NUP153: variants seen among roughly 807,000 people sequenced by gnomAD.
NUP153 encodes the protein nuclear pore complex protein Nup153.
NUP153 carries 27 observed loss-of-function variants against 134.6 expected under a neutral mutation model. The observed-to-expected ratio is 0.20, with a 90% CI of 0.15 to 0.28. NUP153 has a LOEUF of 0.28. Ranked by LOEUF, NUP153 falls within the 10% of genes least tolerant of loss-of-function variation. NUP153 has a pLI of 1.00. For missense variants in NUP153, 1,821 were observed against 1,731.3 expected, an observed-to-expected ratio of 1.05 and a Z score of -0.92; for synonymous variants, 640 against 623.5, an observed-to-expected ratio of 1.03 and a Z score of -0.40.
At chr6:17,651,891 C>T (rs1256793746) in intron 11 of NUP153, 2 of 676,800 alleles carry the variant, frequency 3.0e-6, no homozygotes, top group East Asian at 2.7e-5. Flanking sequence ...CGCAGGAGCT[C>T]GAGATCAGCT....
At chr6:17,656,496 T>TC (rs927071320) in intron 11 of NUP153, among the ~76,000 whole-genome samples, 2 of 152,088 alleles carry the variant, frequency 1.3e-5, no homozygotes, top group African/African-American at 4.8e-5. Context: ...CACTTCAGCC[T>TC]CCCTGGTAGC....
chr6:17,630,184 C>G (rs926687306), intron 17 of NUP153, among the ~76,000 whole-genome samples: 5 of 152,102 alleles, frequency 3.3e-5, no homozygotes, highest in African/African-American at 1.2e-4. Flanking sequence ...AGAAACTAAC[C>G]ACAGTTACAT....
chr6:17,616,291 A>G (rs1318585492), intron 21 of NUP153, 110 bp from the exon 22 acceptor site: 5 of 564,118 alleles, frequency 8.9e-6, no homozygotes, highest in African/African-American at 2.0e-5. Flanking sequence ...GTGGGGGGGG[A>G]GTAGACTCAC....
intron 11 of NUP153, among the ~76,000 whole-genome samples, chr6:17,657,474 G>A (rs1234880946): frequency 6.6e-6 from 1 of 151,928 alleles, no homozygotes; most frequent in Non-Finnish European, 1.5e-5. Flanking sequence ...TGAGACATGA[G>A]AATCACTTGA....
Position 17,646,139 on chromosome 6 carries a change from TA to T in NUP153, c.1647del (p.Phe549LeufsTer18). On this transcript the variant is annotated frameshift_variant, in exon 14 of 22. Transcript: ENST00000262077. LOFTEE classifies it high-confidence loss of function. Reference protein sequence around the residue: ...VLPPSSIGFTFSVPVAKTAEL... With the variant: ...VLPPSSIGFTXSVPVAKTAEL... ...TCTGCTGTTTTTGCAACAGGCACAC[TA>T]AATGTAAATCCAATCTGTAAAGAGA... The T allele has an allele frequency of 6.3e-7, 1 of 1,582,418 alleles. No individual in the cohort carries two copies. Among genetic ancestry groups the T allele is most frequent in the Non-Finnish European group, 8.7e-7 (1 of 1,151,690 alleles).
chr6:17,689,509 T>C (rs1769151700), intron 1 of NUP153, among the ~76,000 whole-genome samples: 1 of 151,494 alleles, frequency 6.6e-6, no homozygotes, highest in African/African-American at 2.4e-5. Flanking sequence ...TGGCTGAAAA[T>C]CTCAGTGATT....
intron 5 of NUP153, among the ~76,000 whole-genome samples, chr6:17,672,599 G>A (rs576998701): frequency 3.9e-5 from 6 of 152,000 alleles, no homozygotes; most frequent in East Asian, 3.9e-4. Flanking sequence ...GAACAAAGAC[G>A]GTGCAAAAGC....
intron 20 of NUP153, among the ~76,000 whole-genome samples, chr6:17,624,163 G>A (rs1176557074): frequency 6.6e-6 from 1 of 152,216 alleles, no homozygotes; most frequent in Non-Finnish European, 1.5e-5. Flanking sequence ...AAAGTGTCAT[G>A]AGACAACTCA....
At chr6:17,676,399 T>G (rs1463418193) in intron 2 of NUP153, among the ~76,000 whole-genome samples, 1 of 150,860 alleles carries the variant, frequency 6.6e-6, no homozygotes, top group Non-Finnish European at 1.5e-5. Context: ...TCTTTATACT[T>G]CTGCACGAGT....
chr6:17,662,218 C>A, intron 9 of NUP153, 148 bp from the exon 10 acceptor site: 1 of 675,192 alleles, frequency 1.5e-6, no homozygotes, highest in South Asian at 2.0e-5. Flanking sequence ...TTACACCCTG[C>A]CTTCTGAATG....
chr6:17,628,629 A>G lies in NUP153; in HGVS notation c.3544+26T>C. On this transcript the variant is annotated intron_variant, in intron 18 of 21. Coordinates refer to ENST00000262077, the MANE Select transcript of NUP153 (RefSeq NM_005124.4). The surrounding 1 kb of genome is among the most constrained non-coding windows in gnomAD (Gnocchi z 5.4). ...AACTTGTAAAAAAAAAAATAATAAT[A>G]ATAATAATAAAAAGTTAATACTTAC... 1 of 1,219,182 alleles carries G rather than the reference A, an allele frequency of 8.2e-7. No individual in the cohort carries two copies. The highest frequency in any genetic ancestry group is 1.6e-5 in the African/African-American group (1 of 63,790). 75.5% of individuals were successfully genotyped at this position (1,219,182 alleles called of 1,614,324 possible).
chr6:17,706,401 C>T lies in NUP153; in HGVS notation c.-14G>A. The T allele has an allele frequency of 6.2e-7, 1 of 1,602,552 alleles. No individual in the cohort carries two copies. Among genetic ancestry groups the T allele is most frequent in the East Asian group, 2.2e-5 (1 of 44,776 alleles). On this transcript the variant is annotated 5_prime_UTR_variant, in exon 1 of 22. Transcript: ENST00000262077. The surrounding 1 kb of genome is among the most constrained non-coding windows in gnomAD (Gnocchi z 5.9). ...TCCCGAGGCCATGGCGGAGCCTCCGCCGCTTCCCGCTCCGGGGCGGGTAAG... is the reference window on the plus strand; with the variant it reads ...TCCCGAGGCCATGGCGGAGCCTCCGTCGCTTCCCGCTCCGGGGCGGGTAAG...
chr6:17,622,015 A>C (rs1487166355), intron 20 of NUP153, among the ~76,000 whole-genome samples: 1 of 152,112 alleles, frequency 6.6e-6, no homozygotes, highest in East Asian at 1.9e-4. Flanking sequence ...TATTACTAAA[A>C]CTATATTTCT....
intron 1 of NUP153, among the ~76,000 whole-genome samples, chr6:17,693,070 T>C (rs1228159594): frequency 6.6e-6 from 1 of 152,196 alleles, no homozygotes; most frequent in Non-Finnish European, 1.5e-5. Flanking sequence ...ATTATTTTCC[T>C]AGTGTTTCCC....
intron 2 of NUP153, among the ~76,000 whole-genome samples, chr6:17,679,402 T>C (rs1768438475): frequency 6.6e-6 from 1 of 152,152 alleles, no homozygotes; most frequent in Non-Finnish European, 1.5e-5. Flanking sequence ...CCCACGTACA[T>C]GGACTACAAG....
At chr6:17,645,444 C>T (rs1036870301) in intron 14 of NUP153, among the ~76,000 whole-genome samples, 2 of 150,874 alleles carry the variant, frequency 1.3e-5, no homozygotes, top group Non-Finnish European at 2.9e-5. Flanking sequence ...CAGGCTCACA[C>T]CACCACCTGG....
In NUP153 at chr6:17,615,897, TCTAG is replaced by T; in HGVS notation, c.*196_*199del. 1 of 512,134 alleles carries T rather than the reference TCTAG, an allele frequency of 2.0e-6. No homozygotes were observed. Among genetic ancestry groups the T allele is most frequent in the East Asian group, 3.2e-5 (1 of 31,682 alleles). 31.7% of individuals were successfully genotyped at this position (512,134 alleles called of 1,614,324 possible). On this transcript the variant is annotated 3_prime_UTR_variant, in exon 22 of 22. Coordinates refer to ENST00000262077, the MANE Select transcript of NUP153 (RefSeq NM_005124.4). The surrounding 1 kb of genome is among the most constrained non-coding windows in gnomAD (Gnocchi z 5.7). ...TTTTTGCTGAAGAATCAGTCACCAG[TCTAG>T]CTATTTATTTATTTAAAAAAGGGTG...
chr6:17,670,867 G>A (rs1333649070), intron 5 of NUP153, among the ~76,000 whole-genome samples: 2 of 151,838 alleles, frequency 1.3e-5, no homozygotes. Context: ...CTGGAGTGCG[G>A]TGGCACAATC....
At chr6:17,652,049 C>A in intron 11 of NUP153, 1 of 377,058 alleles carries the variant, frequency 2.7e-6, no homozygotes, top group Non-Finnish European at 4.7e-6. Flanking sequence ...CATCTCATCT[C>A]AAAAATAAAT....
Sources: gnomAD v4.1 joint callset for allele counts (sites outside exome capture counted in the v4.1 genomes callset) on GRCh38, gnomAD v4.1.1 for gene constraint, Gnocchi (gnomAD v3.1) non-coding constraint, MANE v1.5 for transcripts, NCBI Gene and HGNC (gene_info 2026-07-23, HGNC 2026-07-21) for gene names.